SLC5A4: variants seen among roughly 807,000 people sequenced by gnomAD.
The protein encoded by SLC5A4 is solute carrier family 5 member 4.
In SLC5A4, 55 loss-of-function variants were observed where a neutral mutation model predicts 70.3. That is an observed-to-expected ratio of 0.78 (90% CI 0.63 to 0.98). SLC5A4 has a LOEUF of 0.98. SLC5A4 is among the 50% of genes least tolerant of loss of function. SLC5A4 has a pLI of 0.00. For synonymous variants in SLC5A4, 268 were observed against 305.7 expected, an observed-to-expected ratio of 0.88 and a Z score of 1.29; for missense variants, 735 against 839.2, an observed-to-expected ratio of 0.88 and a Z score of 1.53.
At chr22:32,342,553 A>G in the SLC5A4 span, among the ~76,000 whole-genome samples, 3 of 152,212 alleles carry the variant, frequency 2.0e-5, no homozygotes, top group Admixed American at 6.5e-5. Context: ...AAATAGAAGT[A>G]CTTAGAATTT....
chr22:32,286,434 G>GA, the SLC5A4 span, among the ~76,000 whole-genome samples: 3 of 152,204 alleles, frequency 2.0e-5, no homozygotes, highest in Non-Finnish European at 4.4e-5. Flanking sequence ...GACACAAGAT[G>GA]AAAGTAGTTG....
At chr22:32,228,830 A>T (rs1280579609) in intron 11 of SLC5A4, among the ~76,000 whole-genome samples, 1 of 152,116 alleles carries the variant, frequency 6.6e-6, no homozygotes. Context: ...CCTCCATGTG[A>T]TATACATGGA....
upstream of SLC5A4, among the ~76,000 whole-genome samples, chr22:32,256,332 C>A (rs567201209): frequency 1.1e-3 from 163 of 152,008 alleles, no homozygotes; most frequent in Admixed American, 4.1e-3. Context: ...AAAACAACAA[C>A]AAAAAAACAA....
chr22:32,270,285 C>A, the SLC5A4 span: 1 of 792,412 alleles, frequency 1.3e-6, no homozygotes, highest in Non-Finnish European at 2.3e-6. Flanking sequence ...TTCAGAACAA[C>A]CCTGAGCCGG....
the SLC5A4 span, chr22:32,270,416 C>CA: frequency 6.9e-7 from 1 of 1,444,282 alleles, no homozygotes; most frequent in Non-Finnish European, 9.6e-7. Context: ...GACATGTGGA[C>CA]AGTCATCGCC....
intron 9 of SLC5A4, 119 bp downstream of exon 9, chr22:32,232,780 C>T: frequency 1.5e-6 from 2 of 1,320,508 alleles, no homozygotes; most frequent in South Asian, 2.9e-5. Context: ...CTCCCTCCAC[C>T]TGGAAGTCTG....
At chr22:32,301,532 A>T in the SLC5A4 span, among the ~76,000 whole-genome samples, 1 of 152,242 alleles carries the variant, frequency 6.6e-6, no homozygotes, top group East Asian at 1.9e-4. Context: ...CTAAATAAAT[A>T]AAAAGACATC....
intron 7 of SLC5A4, 23 bp from the exon 8 acceptor site, chr22:32,235,116 T>C (rs1443349128): frequency 6.5e-7 from 1 of 1,537,788 alleles, no homozygotes; most frequent in African/African-American, 1.4e-5. Flanking sequence ...CAGAGTAAAA[T>C]GAGATGTCTT....
the SLC5A4 span, among the ~76,000 whole-genome samples, chr22:32,329,624 T>C: frequency 4.7e-5 from 4 of 84,700 alleles, no homozygotes; most frequent in East Asian, 1.6e-3. Context: ...CTCTGGTGTG[T>C]GTGTTGGAGG....
chr22:32,242,742 A>G (rs755418986), intron 5 of SLC5A4, among the ~76,000 whole-genome samples: 1 of 152,174 alleles, frequency 6.6e-6, no homozygotes, highest in Non-Finnish European at 1.5e-5. Context: ...TGCATATAAT[A>G]ATATTGGTAA....
At chr22:32,227,849 C>A (rs187964134) in intron 11 of SLC5A4, among the ~76,000 whole-genome samples, 1 of 151,590 alleles carries the variant, frequency 6.6e-6, no homozygotes, top group Admixed American at 6.6e-5. Context: ...GCAGGAGAAT[C>A]GCTTGAACTC....
At chr22:32,316,426 C>A in the SLC5A4 span, among the ~76,000 whole-genome samples, 2 of 152,094 alleles carry the variant, frequency 1.3e-5, no homozygotes, top group East Asian at 3.9e-4. Context: ...CCATGAAGAT[C>A]TAACAGTAAT....
In SLC5A4 at chr22:32,251,305, A is replaced by G. The variant is rs1927140198; in HGVS notation, c.312+465T>C. Among the ~76,000 whole-genome samples the G allele has an allele frequency of 2.0e-5, 3 of 152,020 alleles. No homozygotes were observed. In the South Asian group the frequency reaches 6.2e-4, roughly 32 times the overall value. ...GTGTTGGAAACTTAATCCCCAATGCAACAGTATTGAGAGGTTAGACCATTA... is the reference window on the plus strand; with the variant it reads ...GTGTTGGAAACTTAATCCCCAATGCGACAGTATTGAGAGGTTAGACCATTA... On this transcript the variant is annotated intron_variant, in intron 3 of 14. Transcript: ENST00000266086.
the SLC5A4 span, among the ~76,000 whole-genome samples, chr22:32,322,585 C>CAA: frequency 0.016 from 2,231 of 139,516 alleles, 63 homozygotes; most frequent in African/African-American, 0.051. Flanking sequence ...GACTCTGTCT[C>CAA]AAAAAAAAAA....
the SLC5A4 span, chr22:32,271,985 T>A: frequency 3.3e-6 from 2 of 610,602 alleles, no homozygotes; most frequent in Non-Finnish European, 6.1e-6. Flanking sequence ...TTGAGAGAGA[T>A]GAGCAGTGCA....
chr22:32,285,133 ATG>A, the SLC5A4 span: 1 of 152,160 alleles, frequency 6.6e-6, no homozygotes, highest in African/African-American at 2.4e-5. Flanking sequence ...ATAAAAGTAG[ATG>A]TGTGTGTATA....
At chr22:32,231,944 A>C (rs1925789308) in intron 9 of SLC5A4, among the ~76,000 whole-genome samples, 1 of 152,012 alleles carries the variant, frequency 6.6e-6, no homozygotes, top group African/African-American at 2.4e-5. Context: ...GCAATGGTGC[A>C]ATCATAGTTC....
chr22:32,273,383 G>C, the SLC5A4 span: 4 of 172,780 alleles, frequency 2.3e-5, no homozygotes, highest in Non-Finnish European at 4.9e-5. Flanking sequence ...TGTCCACAGA[G>C]GAATGATTAA....
chr22:32,269,121 C>T, the SLC5A4 span, among the ~76,000 whole-genome samples: 1 of 152,156 alleles, frequency 6.6e-6, no homozygotes, highest in Non-Finnish European at 1.5e-5. This position sits in a 1 kb window ranked among gnomAD's most constrained non-coding sequence, Gnocchi z 4.1. Flanking sequence ...TCGAACTCCT[C>T]ACCTTGTGAT....
Sources: gnomAD v4.1 joint callset for allele counts (sites outside exome capture counted in the v4.1 genomes callset) on GRCh38, gnomAD v4.1.1 for gene constraint, Gnocchi (gnomAD v3.1) non-coding constraint, MANE v1.5 for transcripts, NCBI Gene and HGNC (gene_info 2026-07-23, HGNC 2026-07-21) for gene names.